Variants in MAGI2 observed in about 807,000 individuals in gnomAD.
MAGI2 encodes the protein membrane-associated guanylate kinase, WW and PDZ domain-containing protein 2.
MAGI2 carries 35 observed loss-of-function variants against 133.3 expected under a neutral mutation model. That is an observed-to-expected ratio of 0.26 (90% CI 0.20 to 0.35). The LOEUF (loss-of-function observed/expected upper bound fraction) is 0.35. Ranked by LOEUF, MAGI2 falls within the 10% of genes least tolerant of loss-of-function variation. The pLI, the probability that MAGI2 is intolerant of heterozygous loss-of-function variation, is 1.00. For missense variants in MAGI2, 1,636 were observed against 1,863.4 expected, an observed-to-expected ratio of 0.88 and a Z score of 2.25; for synonymous variants, 729 against 710.6, an observed-to-expected ratio of 1.03 and a Z score of -0.41.
At chr7:78,366,463 A>G (rs1377409711) in intron 7 of MAGI2, among the ~76,000 whole-genome samples, 2 of 152,284 alleles carry the variant, frequency 1.3e-5, no homozygotes, top group Non-Finnish European at 1.5e-5. Flanking sequence ...AATAACCTCT[A>G]TGTTTACATA....
At chr7:78,046,358 A>C (rs80062982) in intron 21 of MAGI2, among the ~76,000 whole-genome samples, 9,754 of 151,314 alleles carry the variant, frequency 0.064, 322 homozygotes, top group Middle Eastern at 0.075. Flanking sequence ...GACAAGATTG[A>C]ACCACTGCTC....
intron 1 of MAGI2, among the ~76,000 whole-genome samples, chr7:79,061,073 T>C (rs1813683272): frequency 6.6e-6 from 1 of 152,088 alleles, no homozygotes; most frequent in African/African-American, 2.4e-5. Flanking sequence ...TTTGCATAAC[T>C]AATGTTTCTT....
chr7:78,952,487 A>G (rs1403467863), intron 2 of MAGI2, among the ~76,000 whole-genome samples: 1 of 152,134 alleles, frequency 6.6e-6, no homozygotes, highest in Non-Finnish European at 1.5e-5. Context: ...TCATTTGTAC[A>G]AGCCTACTCT....
At chr7:78,865,653 T>C (rs1794495344) in intron 2 of MAGI2, among the ~76,000 whole-genome samples, 1 of 152,192 alleles carries the variant, frequency 6.6e-6, no homozygotes, top group Non-Finnish European at 1.5e-5. Context: ...AAGGTGAATC[T>C]TGTTCAAAGC....
intron 2 of MAGI2, among the ~76,000 whole-genome samples, chr7:78,949,446 C>T (rs1054987472): frequency 2.6e-5 from 4 of 151,950 alleles, no homozygotes; most frequent in Admixed American, 6.6e-5. Context: ...AGTGAAACTA[C>T]GAATAACAAA....
intron 1 of MAGI2, among the ~76,000 whole-genome samples, chr7:79,420,065 G>C (rs1846838807): frequency 6.6e-6 from 1 of 152,028 alleles, no homozygotes; most frequent in African/African-American, 2.4e-5. Context: ...TGATTTCTTT[G>C]CTGAGGACCA....
At chr7:79,313,621 A>G (rs1838467096) in intron 1 of MAGI2, among the ~76,000 whole-genome samples, 1 of 152,186 alleles carries the variant, frequency 6.6e-6, no homozygotes, top group Non-Finnish European at 1.5e-5. Context: ...AACCAGGATA[A>G]AGATAATAAG....
intron 6 of MAGI2, among the ~76,000 whole-genome samples, chr7:78,477,721 G>T (rs550993942): frequency 1.3e-5 from 2 of 151,836 alleles, no homozygotes; most frequent in Admixed American, 1.3e-4. Flanking sequence ...GACACATGGG[G>T]ATTACTACAA....
chr7:78,029,583 G>C (rs3779349), intron 21 of MAGI2, among the ~76,000 whole-genome samples: 101,802 of 152,228 alleles, frequency 0.67, 36,777 homozygotes, highest in Non-Finnish European at 0.83. Flanking sequence ...CCCACCCTGA[G>C]TCCCAACCGC....
At chr7:78,697,877 T>A (rs1040963126) in intron 2 of MAGI2, among the ~76,000 whole-genome samples, 2 of 152,188 alleles carry the variant, frequency 1.3e-5, no homozygotes, top group Non-Finnish European at 2.9e-5. Flanking sequence ...ATACTATAGT[T>A]ATTTTCTTCC....
chr7:78,757,071 TCA>T (rs1340383599), intron 2 of MAGI2, among the ~76,000 whole-genome samples: 1 of 152,158 alleles, frequency 6.6e-6, no homozygotes, highest in Non-Finnish European at 1.5e-5. Flanking sequence ...GCTTCCTTCT[TCA>T]CAGAGAAATT....
At chr7:78,127,175 C>T (rs916518309) in intron 19 of MAGI2, 22 bp downstream of exon 19, 2 of 1,536,288 alleles carry the variant, frequency 1.3e-6, no homozygotes, top group African/African-American at 1.4e-5. Context: ...CAGGACCCAC[C>T]CTGCTCTCCG....
intron 10 of MAGI2, among the ~76,000 whole-genome samples, chr7:78,217,818 T>C (rs931009002): frequency 5.3e-5 from 8 of 152,236 alleles, no homozygotes; most frequent in African/African-American, 1.9e-4. Context: ...TGGATGTTGC[T>C]TGTTGGTTTT....
chr7:79,424,019 A>C (rs1563210425), intron 1 of MAGI2, among the ~76,000 whole-genome samples: 2 of 152,138 alleles, frequency 1.3e-5, no homozygotes, highest in Non-Finnish European at 2.9e-5. Flanking sequence ...TGGGAATGCC[A>C]ATATGAAACA....
chr7:78,793,535 G>A (rs1251882513), intron 2 of MAGI2, among the ~76,000 whole-genome samples: 1 of 151,998 alleles, frequency 6.6e-6, no homozygotes, highest in East Asian at 1.9e-4. Flanking sequence ...GCATCATCTA[G>A]GATACTCTGA....
intron 3 of MAGI2, among the ~76,000 whole-genome samples, chr7:78,599,006 G>A (rs867418837): frequency 2.0e-5 from 3 of 152,192 alleles, no homozygotes; most frequent in African/African-American, 7.2e-5. Context: ...GGGGTCAAAA[G>A]ATAGATTGTG....
chr7:78,779,852 T>C (rs1350308281), intron 2 of MAGI2, among the ~76,000 whole-genome samples: 2 of 152,162 alleles, frequency 1.3e-5, no homozygotes. Flanking sequence ...GCTATACCCA[T>C]TTTAGAGAGG....
intron 2 of MAGI2, among the ~76,000 whole-genome samples, chr7:79,005,971 T>C (rs375262757): frequency 6.6e-6 from 1 of 152,282 alleles, no homozygotes; most frequent in African/African-American, 2.4e-5. Context: ...GATAATGGTG[T>C]CCTGGCATTG....
At chr7:79,403,577 G>T (rs183088581) in intron 1 of MAGI2, among the ~76,000 whole-genome samples, 1 of 152,190 alleles carries the variant, frequency 6.6e-6, no homozygotes, top group Non-Finnish European at 1.5e-5. Context: ...AGAAAGCACA[G>T]TATTGAATTC....
Sources: allele counts gnomAD v4.1 joint callset (sites outside exome capture counted in the v4.1 genomes callset), GRCh38; gene constraint gnomAD v4.1.1; transcripts MANE v1.5; gene names NCBI Gene and HGNC (gene_info 2026-07-23, HGNC 2026-07-21).